TOGARAM2: variants seen among roughly 807,000 people sequenced by gnomAD.
TOGARAM2 encodes TOG array regulator of axonemal microtubules protein 2.
In TOGARAM2, 85 loss-of-function variants were observed where a neutral mutation model predicts 93.3. The observed-to-expected ratio is 0.91, with a 90% CI of 0.76 to 1.09. The LOEUF is 1.09. Ranked by LOEUF, TOGARAM2 falls within the 50% of genes least tolerant of loss-of-function variation. TOGARAM2 has a pLI of 0.00. For missense variants in TOGARAM2, 1,277 were observed against 1,334.5 expected (o/e 0.96, Z 0.67); for synonymous variants, 593 against 552.8 (o/e 1.07, Z -1.02).
At chr2:29,026,277 T>C (rs1665357020) in intron 13 of TOGARAM2, among the ~76,000 whole-genome samples, 1 of 152,246 alleles carries the variant, frequency 6.6e-6, no homozygotes, top group Non-Finnish European at 1.5e-5. Context: ...TTCGTCATTA[T>C]GGATACAGCA....
In TOGARAM2 at chr2:29,051,850, T is replaced by G. The variant is rs745623509; in HGVS notation, c.2817T>G (p.Asn939Lys). 3.2e-6 allele frequency: 5 copies of G among 1,568,268 alleles called. No homozygotes were observed. The South Asian group carries it at 5.9e-5, about 18-fold the overall frequency. ...ACTTCCTGAACACCGCCACCAGGAA[T>G]GGCACCCTGCCTGGACCCAGCGGGA... ...LWHFLNTATR[N>K]GTLPGPSGNI... is the part of the protein sequence containing the mutation. The change falls in exon 20 of 20, where the codon AAT (asparagine) becomes AAG (lysine). Residue 939 changes from asparagine to lysine, a missense_variant. Transcript: ENST00000379558.
At chr2:28,990,991 G>GGGGTGT (rs1172157732) in intron 1 of TOGARAM2, among the ~76,000 whole-genome samples, 6 of 119,812 alleles carry the variant, frequency 5.0e-5, no homozygotes, top group Admixed American at 2.6e-4. Flanking sequence ...GTGTGTGAAG[G>GGGGTGT]GTGTGTGTGT....
intron 18 of TOGARAM2, among the ~76,000 whole-genome samples, chr2:29,041,568 C>A: frequency 6.6e-6 from 1 of 152,172 alleles, no homozygotes; most frequent in Admixed American, 6.5e-5. Flanking sequence ...TCTGGCTTCC[C>A]AGTAGCTGGA....
intron 6 of TOGARAM2, 41 bp downstream of exon 6, chr2:29,003,723 CCT>C: frequency 7.0e-7 from 1 of 1,429,452 alleles, no homozygotes; most frequent in South Asian, 1.5e-5. Context: ...GACTTCTCTC[CCT>C]CTGTCCCCCT....
Position 29,040,916 on chromosome 2 carries a change from G to C in TOGARAM2, c.2635+4159G>C, listed in dbSNP as rs906890637. Among the ~76,000 whole-genome samples the C allele has an allele frequency of 2.0e-5, 3 of 152,196 alleles. No individual in the cohort carries two copies. In the East Asian group the frequency reaches 5.8e-4, roughly 29 times the overall value. On this transcript the variant is annotated intron_variant, in intron 18 of 19. Transcript: ENST00000379558. ...CCAGATACCCTTCCTATTAATAGGG[G>C]TTAATAGGGGTTCAGCACAGCAGTT...
intron 17 of TOGARAM2, among the ~76,000 whole-genome samples, chr2:29,036,150 T>A (rs1320445208): frequency 6.6e-6 from 1 of 152,146 alleles, no homozygotes; most frequent in Non-Finnish European, 1.5e-5. Flanking sequence ...GACCTGGGTT[T>A]CCATCCAAGC....
intron 18 of TOGARAM2, 123 bp downstream of exon 18, chr2:29,036,880 A>G: frequency 1.0e-6 from 1 of 977,986 alleles, no homozygotes; most frequent in Non-Finnish European, 1.5e-6. Context: ...GAGGCTGTGT[A>G]GGGCAGAGGT....
intron 18 of TOGARAM2, among the ~76,000 whole-genome samples, chr2:29,043,101 C>T (rs754132161): frequency 2.6e-5 from 4 of 152,192 alleles, no homozygotes; most frequent in Admixed American, 6.5e-5. Context: ...AATAGAAACA[C>T]CTGGAAACAA....
chr2:29,033,743 C>G (rs1363829895), intron 16 of TOGARAM2, among the ~76,000 whole-genome samples, 180 bp downstream of exon 16: 3 of 152,140 alleles, frequency 2.0e-5, no homozygotes, highest in Non-Finnish European at 2.9e-5. Flanking sequence ...CAACCCAAAT[C>G]CCAGGGAGAC....
intron 6 of TOGARAM2, among the ~76,000 whole-genome samples, chr2:29,004,279 G>A (rs1003382249): frequency 2.6e-5 from 4 of 152,192 alleles, no homozygotes; most frequent in Non-Finnish European, 4.4e-5. Context: ...CACCGTGCCC[G>A]GCTATGAATA....
At chr2:29,029,648 C>A (rs1209678263) in intron 14 of TOGARAM2, among the ~76,000 whole-genome samples, 1 of 148,118 alleles carries the variant, frequency 6.8e-6, no homozygotes, top group Non-Finnish European at 1.5e-5. Context: ...CCCAGCTACT[C>A]AGGAGGCTGA....
chr2:28,996,619 C>T (rs192374512), intron 2 of TOGARAM2, among the ~76,000 whole-genome samples: 112 of 151,850 alleles, frequency 7.4e-4, no homozygotes, highest in Middle Eastern at 3.4e-3. Flanking sequence ...CTCAGGATTT[C>T]GAGACCAGCC....
intron 17 of TOGARAM2, among the ~76,000 whole-genome samples, 175 bp downstream of exon 17, chr2:29,035,831 C>T (rs959231221): frequency 2.6e-5 from 4 of 152,228 alleles, no homozygotes; most frequent in South Asian, 2.1e-4. Context: ...CGCCTCCTGC[C>T]GGCAGCTTGG....
At chr2:28,974,803 A>T (rs570386420) in intron 1 of TOGARAM2, among the ~76,000 whole-genome samples, 1,124 of 102,522 alleles carry the variant, frequency 0.011, 12 homozygotes, top group African/African-American at 0.031. Flanking sequence ...TATTATTATT[A>T]TTTTTTTAAT....
intron 18 of TOGARAM2, among the ~76,000 whole-genome samples, chr2:29,040,093 TGGAATTTAAAAATGC>T (rs1206591725): frequency 1.3e-5 from 2 of 152,244 alleles, no homozygotes; most frequent in African/African-American, 4.8e-5. Flanking sequence ...ATAATGTTAA[TGGAATTTAAAAATGC>T]ATCCATGGTG....
intron 1 of TOGARAM2, among the ~76,000 whole-genome samples, chr2:28,961,892 A>G (rs1351812857): frequency 6.6e-6 from 1 of 152,188 alleles, no homozygotes; most frequent in African/African-American, 2.4e-5. Context: ...ATAACATCAT[A>G]CAAAGATACT....
chr2:29,022,355 G>T, intron 11 of TOGARAM2, 47 bp downstream of exon 11: 1 of 1,602,678 alleles, frequency 6.2e-7, no homozygotes, highest in Non-Finnish European at 8.5e-7. Context: ...CGGAAGCAGG[G>T]GCTGTTGCAG....
chr2:28,975,171 GTTTTA>G (rs1269719332), intron 1 of TOGARAM2, among the ~76,000 whole-genome samples: 5 of 150,620 alleles, frequency 3.3e-5, no homozygotes, highest in African/African-American at 1.2e-4. Flanking sequence ...TTGCTGAGAC[GTTTTA>G]TTTTTTTAAT....
At chr2:29,023,764 C>T (rs1234459887) in intron 12 of TOGARAM2, among the ~76,000 whole-genome samples, 1 of 151,446 alleles carries the variant, frequency 6.6e-6, no homozygotes, top group East Asian at 1.9e-4. Flanking sequence ...CAAAGTGAGG[C>T]ATCCAGAAAA....
Sources: gnomAD v4.1 joint callset for allele counts (sites outside exome capture counted in the v4.1 genomes callset) on GRCh38, gnomAD v4.1.1 for gene constraint, MANE v1.5 for transcripts, NCBI Gene and HGNC (gene_info 2026-07-23, HGNC 2026-07-21) for gene names.